MYO1D: variants seen among roughly 807,000 people sequenced by gnomAD.
MYO1D encodes myosin ID, also known as unconventional myosin-Id.
In MYO1D, 83 loss-of-function variants were observed where a neutral mutation model predicts 122.0. The ratio of observed to expected loss-of-function variants is 0.68; its 90% CI spans 0.57 to 0.82. MYO1D has a LOEUF of 0.82. MYO1D is among the 40% of genes least tolerant of loss of function. MYO1D has a pLI of 0.00. For synonymous variants in MYO1D, 464 were observed against 446.9 expected (o/e 1.04, Z -0.48); for missense variants, 1,157 against 1,269.5 (o/e 0.91, Z 1.35).
chr17:32,789,518 A>AAAAAC (rs1357156116), intron 1 of MYO1D, among the ~76,000 whole-genome samples: 1 of 152,232 alleles, frequency 6.6e-6, no homozygotes, highest in African/African-American at 2.4e-5. Flanking sequence ...TGGAAAAATA[A>AAAAAC]AAAACACACA....
intron 21 of MYO1D, chr17:32,512,829 G>T (rs1181841651): frequency 6.6e-6 from 1 of 152,252 alleles, no homozygotes; most frequent in African/African-American, 2.4e-5. Flanking sequence ...CAGCCACAGT[G>T]GTCTCCAAGA....
chr17:32,690,226 C>G (rs1028021078), intron 16 of MYO1D, among the ~76,000 whole-genome samples: 1 of 149,356 alleles, frequency 6.7e-6, no homozygotes. Context: ...TCTGTCATCC[C>G]GGCTGGAGTG....
At chr17:32,876,227 G>C (rs1230603892) in intron 1 of MYO1D, among the ~76,000 whole-genome samples, 2 of 152,056 alleles carry the variant, frequency 1.3e-5, no homozygotes, top group African/African-American at 2.4e-5. Context: ...ACAGCTCAGG[G>C]ATCACTCCAT....
chr17:32,527,447 G>C (rs1434066049), intron 21 of MYO1D, among the ~76,000 whole-genome samples: 1 of 152,150 alleles, frequency 6.6e-6, no homozygotes, highest in Non-Finnish European at 1.5e-5. Context: ...TTAAATTCTA[G>C]AGATATCCTG....
chr17:32,514,731 T>G (rs1420349262), intron 21 of MYO1D, among the ~76,000 whole-genome samples: 1 of 152,250 alleles, frequency 6.6e-6, no homozygotes, highest in South Asian at 2.1e-4. Flanking sequence ...TCTCAGATAC[T>G]GATCGTTCTT....
At chr17:32,835,339 A>G (rs1449200343) in intron 1 of MYO1D, among the ~76,000 whole-genome samples, 3 of 152,052 alleles carry the variant, frequency 2.0e-5, no homozygotes, top group Non-Finnish European at 4.4e-5. Context: ...AAGCTCCTAT[A>G]ACATTTGTTA....
intron 1 of MYO1D, among the ~76,000 whole-genome samples, chr17:32,850,943 TG>T (rs1291888138): frequency 6.6e-6 from 1 of 151,834 alleles, no homozygotes; most frequent in Non-Finnish European, 1.5e-5. Flanking sequence ...TTTTTTCAGA[TG>T]ACCAACTGTT....
intron 20 of MYO1D, among the ~76,000 whole-genome samples, chr17:32,610,227 C>T (rs1461001743): frequency 3.3e-5 from 5 of 152,108 alleles, no homozygotes; most frequent in Non-Finnish European, 7.4e-5. Flanking sequence ...CTCTCGGCCA[C>T]AACCCCCTCT....
At chr17:32,691,184 GA>G (rs2089092464) in intron 16 of MYO1D, among the ~76,000 whole-genome samples, 1 of 151,092 alleles carries the variant, frequency 6.6e-6, no homozygotes. Flanking sequence ...TTGAGCCCAG[GA>G]GTTCAAGGCT....
In MYO1D at chr17:32,712,078, G is replaced by T; in HGVS notation, c.2031C>A (p.Thr677=). The T allele has an allele frequency of 6.2e-7, 1 of 1,614,088 alleles. No individual in the cohort carries two copies. Among genetic ancestry groups the T allele is most frequent in the Non-Finnish European group, 8.5e-7 (1 of 1,180,008 alleles). The change falls in exon 16 of 22, where the codon ACC becomes ACA. Residue 677 remains threonine, a synonymous_variant. Transcript: ENST00000318217. ...GFQDDVAYGK[T]KIFIRTPRTL... ...TTCGGGGTGTTCGAATGAAAATTTT[G>T]GTCTTCCCATAAGCTACATCATCCT...
intron 21 of MYO1D, among the ~76,000 whole-genome samples, chr17:32,578,211 C>T (rs1265273438): frequency 6.6e-6 from 1 of 152,184 alleles, no homozygotes; most frequent in Admixed American, 6.5e-5. Flanking sequence ...TGTTAATGGT[C>T]CTAAGTTCTT....
intron 16 of MYO1D, among the ~76,000 whole-genome samples, chr17:32,662,614 A>G (rs150697771): frequency 6.6e-6 from 1 of 152,250 alleles, no homozygotes. Context: ...GGGAGGCTGC[A>G]GTGAGCTGAG....
chr17:32,696,648 T>C (rs150857631), intron 16 of MYO1D, among the ~76,000 whole-genome samples: 71 of 152,368 alleles, frequency 4.7e-4, no homozygotes, highest in African/African-American at 1.6e-3. Flanking sequence ...TTTAATTCTG[T>C]CCTTCTACGT....
chr17:32,703,494 T>C (rs1322034710), intron 16 of MYO1D, among the ~76,000 whole-genome samples: 2 of 150,980 alleles, frequency 1.3e-5, no homozygotes, highest in Non-Finnish European at 3.0e-5. Context: ...TTGCCAAGGG[T>C]GGTATTGAAC....
intron 21 of MYO1D, among the ~76,000 whole-genome samples, chr17:32,552,419 CCCAT>C (rs60290556): frequency 0.073 from 10,482 of 143,190 alleles, 634 homozygotes; most frequent in African/African-American, 0.16. Context: ...CATCCATCCA[CCCAT>C]CCATCCATCC....
intron 16 of MYO1D, among the ~76,000 whole-genome samples, chr17:32,675,374 T>G (rs1448179394): frequency 6.6e-6 from 1 of 152,224 alleles, no homozygotes; most frequent in Non-Finnish European, 1.5e-5. Flanking sequence ...TACATATAAC[T>G]GTAACTATCT....
At chr17:32,791,224 C>A (rs1207179365) in intron 1 of MYO1D, among the ~76,000 whole-genome samples, 1 of 151,858 alleles carries the variant, frequency 6.6e-6, no homozygotes. Flanking sequence ...ATTAATTGGG[C>A]ATGGTGGCAC....
chr17:32,762,895 AG>A (rs775567896), intron 8 of MYO1D, among the ~76,000 whole-genome samples: 8 of 138,964 alleles, frequency 5.8e-5, no homozygotes, highest in Non-Finnish European at 1.3e-4. Flanking sequence ...AAAAAAAAAA[AG>A]ACAAAAAAAC....
chr17:32,820,900 G>GGGGT (rs1347157055), intron 1 of MYO1D, among the ~76,000 whole-genome samples: 1 of 151,932 alleles, frequency 6.6e-6, no homozygotes, highest in Non-Finnish European at 1.5e-5. Context: ...TTAAGTTAAG[G>GGGGT]GGGTACATAT....
Sources: gnomAD v4.1 joint callset for allele counts (sites outside exome capture counted in the v4.1 genomes callset) on GRCh38, gnomAD v4.1.1 for gene constraint, MANE v1.5 for transcripts, NCBI Gene and HGNC (gene_info 2026-07-23, HGNC 2026-07-21) for gene names.